SFMBT2: variants seen among roughly 807,000 people sequenced by gnomAD.
SFMBT2 encodes scm-like with four MBT domains protein 2.
SFMBT2 carries 38 observed loss-of-function variants against 110.1 expected under a neutral mutation model. That is an observed-to-expected ratio of 0.35 (90% CI 0.27 to 0.45). The LOEUF (loss-of-function observed/expected upper bound fraction) is 0.45. SFMBT2 is among the 20% of genes least tolerant of loss of function. The pLI, the probability that SFMBT2 is intolerant of heterozygous loss-of-function variation, is 1.00. For synonymous variants in SFMBT2, 425 were observed against 425.4 expected (o/e 1.00, Z 0.01); for missense variants, 1,011 against 1,094.9 (o/e 0.92, Z 1.08).
At chr10:7,200,779 G>A (rs1838929874) in intron 13 of SFMBT2, 1 of 155,838 alleles carries the variant, frequency 6.4e-6, no homozygotes, top group African/African-American at 2.4e-5. Context: ...CTCTTGCTAT[G>A]GAATTGTAAT....
intron 4 of SFMBT2, among the ~76,000 whole-genome samples, chr10:7,349,918 A>G (rs1844254174): frequency 6.6e-6 from 1 of 152,124 alleles, no homozygotes; most frequent in Non-Finnish European, 1.5e-5. Context: ...TCCAGTGTCT[A>G]GGATGTCCCT....
rs893647024 is a variant in SFMBT2 at position 7,368,461 on chromosome 10, G to A, written c.196-572C>T. 4 of 558,896 alleles carry A rather than the reference G, an allele frequency of 7.2e-6. No individual in the cohort carries two copies. The African/African-American group carries it at 8.2e-5, about 11-fold the overall frequency. 34.6% of individuals were successfully genotyped at this position (558,896 alleles called of 1,614,324 possible). A position where few individuals can be genotyped will look rare whatever the true frequency, so the allele number is the denominator to read the frequency against. ...AAGCTGACATATCCGCTGTCCGCAAGTGGCCACTGCTGAAAGGAGATGACA... is the reference window on the plus strand; with the variant it reads ...AAGCTGACATATCCGCTGTCCGCAAATGGCCACTGCTGAAAGGAGATGACA... On this transcript the variant is annotated intron_variant, in intron 3 of 20. Transcript: ENST00000397167.
chr10:7,360,933 C>T (rs1844695197), intron 4 of SFMBT2, among the ~76,000 whole-genome samples: 3 of 152,168 alleles, frequency 2.0e-5, no homozygotes, highest in South Asian at 4.1e-4. Context: ...TTTGACAATA[C>T]AATACTAACT....
chr10:7,186,152 C>T (rs574820034), intron 16 of SFMBT2, among the ~76,000 whole-genome samples: 29 of 152,002 alleles, frequency 1.9e-4, no homozygotes, highest in East Asian at 9.6e-4. Context: ...TGTAAGTTTT[C>T]GTTATATTTA....
At chr10:7,310,613 A>C (rs888562977) in intron 4 of SFMBT2, among the ~76,000 whole-genome samples, 4 of 152,134 alleles carry the variant, frequency 2.6e-5, no homozygotes, top group African/African-American at 9.7e-5. Context: ...AGTCTGTCTG[A>C]TTTTTCCTCT....
At chr10:7,402,152 T>C (rs1846098478) in intron 1 of SFMBT2, among the ~76,000 whole-genome samples, 1 of 151,428 alleles carries the variant, frequency 6.6e-6, no homozygotes, top group African/African-American at 2.4e-5. Context: ...AAATGTCCTT[T>C]CCAATCTGGA....
chr10:7,315,338 T>C (rs939769029), intron 4 of SFMBT2, among the ~76,000 whole-genome samples: 1 of 152,240 alleles, frequency 6.6e-6, no homozygotes, highest in African/African-American at 2.4e-5. Context: ...ATCGCAGGCC[T>C]GTATAGAACA....
chr10:7,335,602 C>CACACAT (rs1417855551), intron 4 of SFMBT2, among the ~76,000 whole-genome samples: 1 of 151,594 alleles, frequency 6.6e-6, no homozygotes, highest in Non-Finnish European at 1.5e-5. Flanking sequence ...CACACACACA[C>CACACAT]ACACACACAC....
chr10:7,168,287 C>T (rs894869546), intron 20 of SFMBT2, among the ~76,000 whole-genome samples: 2 of 152,172 alleles, frequency 1.3e-5, no homozygotes, highest in African/African-American at 4.8e-5. Flanking sequence ...ACAGTGTAGA[C>T]AGACACAGGA....
chr10:7,198,565 A>C (rs1330922851), intron 14 of SFMBT2, among the ~76,000 whole-genome samples: 1 of 152,278 alleles, frequency 6.6e-6, no homozygotes, highest in East Asian at 1.9e-4. Flanking sequence ...CTACCCCAAC[A>C]ATGGTTCCTG....
intron 4 of SFMBT2, among the ~76,000 whole-genome samples, chr10:7,323,466 A>C (rs1843264876): frequency 8.6e-6 from 1 of 115,754 alleles, no homozygotes; most frequent in East Asian, 2.8e-4. Flanking sequence ...AAAAAAAAAA[A>C]AACCAAAAAA....
At chr10:7,254,272 C>A (rs1465673526) in intron 7 of SFMBT2, among the ~76,000 whole-genome samples, 1 of 152,114 alleles carries the variant, frequency 6.6e-6, no homozygotes, top group Non-Finnish European at 1.5e-5. Flanking sequence ...AAGCACTGAT[C>A]AGAAACCACT....
At chr10:7,340,926 G>C (rs1265018129) in intron 4 of SFMBT2, among the ~76,000 whole-genome samples, 1 of 151,854 alleles carries the variant, frequency 6.6e-6, no homozygotes, top group African/African-American at 2.4e-5. Flanking sequence ...AGCATGACTT[G>C]ATTTAACAAT....
At position 7,181,173 on chromosome 10, in the gene SFMBT2, G is replaced by A. The variant is rs556560442; in HGVS notation, c.1809-5008C>T. ...AGAATCGCTGGAACCCAGGAGGCGG[G>A]GGTTGCAGTTAGCCGAGATTGTGCC... is the stretch of plus-strand genomic sequence containing the variant. On this transcript the variant is annotated intron_variant, in intron 16 of 20. Coordinates refer to ENST00000397167, the MANE Select transcript of SFMBT2 (RefSeq NM_001387889.1). Among the ~76,000 whole-genome samples, 8 of 151,718 alleles carry A rather than the reference G, an allele frequency of 5.3e-5. No individual in the cohort carries two copies. In the East Asian group the frequency reaches 1.6e-3, roughly 29 times the overall value.
chr10:7,292,898 C>T (rs1381085071), intron 4 of SFMBT2, among the ~76,000 whole-genome samples: 8 of 151,724 alleles, frequency 5.3e-5, no homozygotes, highest in South Asian at 2.1e-4. Context: ...AAGGCTGAGG[C>T]AGGAGAATTG....
At chr10:7,245,798 C>T (rs984086589) in intron 8 of SFMBT2, among the ~76,000 whole-genome samples, 3 of 152,366 alleles carry the variant, frequency 2.0e-5, no homozygotes. Flanking sequence ...GGATCCACTA[C>T]ACGTCTGTCT....
chr10:7,372,217 C>G (rs1466211410), intron 2 of SFMBT2, among the ~76,000 whole-genome samples: 2 of 152,162 alleles, frequency 1.3e-5, no homozygotes, highest in African/African-American at 4.8e-5. Flanking sequence ...CACGCCCGGC[C>G]TTCTTGAAAT....
At position 7,362,714 on chromosome 10, in the gene SFMBT2, T is replaced by C. The variant is rs114259205; in HGVS notation, c.436+4935A>G. On this transcript the variant is annotated intron_variant, in intron 4 of 20. Coordinates refer to ENST00000397167, the MANE Select transcript of SFMBT2 (RefSeq NM_001387889.1). ...TCAGCTAAGGGCTAAAAACTCTCAG[T>C]TCTCTGGTTCCAATGGGGAACTGGG... is the stretch of plus-strand genomic sequence containing the variant. 5.7e-3 allele frequency among the ~76,000 whole-genome samples: 867 copies of C among 152,348 alleles called. 11 individuals are homozygous for C. The highest frequency in any genetic ancestry group is 0.019 in the African/African-American group (807 of 41,582).
chr10:7,216,034 C>T (rs1217321443), intron 11 of SFMBT2, among the ~76,000 whole-genome samples: 1 of 152,204 alleles, frequency 6.6e-6, no homozygotes, highest in East Asian at 1.9e-4. Context: ...TAATGCAAAC[C>T]AAGCCCCTGC....
Sources: allele counts gnomAD v4.1 joint callset (sites outside exome capture counted in the v4.1 genomes callset), GRCh38; gene constraint gnomAD v4.1.1; transcripts MANE v1.5; gene names NCBI Gene and HGNC (gene_info 2026-07-23, HGNC 2026-07-21).